DTNB: variants seen among roughly 807,000 people sequenced by gnomAD.
DTNB encodes the protein DTN-B.
Under a neutral mutation model 90.7 loss-of-function variants are expected in DTNB, and 63 were observed. The observed-to-expected ratio is 0.69, with a 90% CI of 0.57 to 0.86. The LOEUF (loss-of-function observed/expected upper bound fraction) is 0.86. Ranked by LOEUF, DTNB falls within the 40% of genes least tolerant of loss-of-function variation. DTNB has a pLI of 0.00. For synonymous variants in DTNB, 277 were observed against 286.7 expected, an observed-to-expected ratio of 0.97 and a Z score of 0.34; for missense variants, 744 against 807.1, an observed-to-expected ratio of 0.92 and a Z score of 0.95.
chr2:25,379,960 A>G (rs368348018), intron 19 of DTNB: 3 of 152,532 alleles, frequency 2.0e-5, no homozygotes, highest in South Asian at 2.1e-4. Context: ...TGCTTCTTCT[A>G]TGTGTCTTGG....
At chr2:25,439,661 G>C (rs2150032159) in intron 12 of DTNB, among the ~76,000 whole-genome samples, 1 of 152,314 alleles carries the variant, frequency 6.6e-6, no homozygotes, top group East Asian at 1.9e-4. Flanking sequence ...AGGAATGAAA[G>C]TAGGGAGACG....
At chr2:25,455,313 C>A in intron 11 of DTNB, 92 bp downstream of exon 11, 2 of 1,189,238 alleles carry the variant, frequency 1.7e-6, no homozygotes, top group Non-Finnish European at 2.3e-6. Context: ...ACCTGACATG[C>A]AGTTTTTTTT....
At chr2:25,605,684 A>G (rs2066954249) in intron 5 of DTNB, among the ~76,000 whole-genome samples, 2 of 152,126 alleles carry the variant, frequency 1.3e-5, no homozygotes, top group Non-Finnish European at 2.9e-5. Flanking sequence ...CTACTACTGT[A>G]TTTTTCAACC....
chr2:25,595,779 G>C (rs2064464186), intron 6 of DTNB, among the ~76,000 whole-genome samples: 1 of 152,106 alleles, frequency 6.6e-6, no homozygotes. Flanking sequence ...ATGGTTTCAA[G>C]AACTCATTTG....
In DTNB at chr2:25,630,362, G is replaced by A. The variant is rs575091565; in HGVS notation, c.149-1978C>T. ...AAGAAGTTACACACAGGTCCCATAC[G>A]ACCCAGCAATTCCACTCCTACAGAA... On this transcript the variant is annotated intron_variant, in intron 3 of 20. Coordinates refer to ENST00000406818, the MANE Select transcript of DTNB (RefSeq NM_021907.5). 5.2e-4 allele frequency among the ~76,000 whole-genome samples: 79 copies of A among 152,252 alleles called. 1 individual carries two copies. The South Asian group carries it at 0.016, about 30-fold the overall frequency.
intron 4 of DTNB, among the ~76,000 whole-genome samples, chr2:25,614,409 C>G (rs1471623691): frequency 6.6e-6 from 1 of 152,116 alleles, no homozygotes; most frequent in African/African-American, 2.4e-5. Context: ...GCAATATGAT[C>G]ATATGTAGAA....
chr2:25,427,732 T>G, intron 14 of DTNB, 101 bp from the exon 15 acceptor site: 1 of 1,077,806 alleles, frequency 9.3e-7, no homozygotes, highest in Non-Finnish European at 1.3e-6. Flanking sequence ...TTACCAGTTA[T>G]GAGACGCTGA....
chr2:25,658,408 T>G lies in DTNB; in HGVS notation c.-1-5747A>C, dbSNP rs6546341. 8.8e-4 allele frequency among the ~76,000 whole-genome samples: 134 copies of G among 152,310 alleles called. 1 individual carries two copies. Among genetic ancestry groups the G allele is most frequent in the African/African-American group, 3.1e-3 (129 of 41,566 alleles). On this transcript the variant is annotated intron_variant, in intron 1 of 20. Coordinates refer to ENST00000406818, the MANE Select transcript of DTNB (RefSeq NM_021907.5). ...TCAGTCTTACCATACGATCCAATAA[T>G]TGCACTGCTAGGTGTTTGCTCAATT...
rs564793591 is a variant in DTNB, at chr2:25,469,123, G to C, written c.1080-13629C>G. On this transcript the variant is annotated intron_variant, in intron 10 of 20. Transcript: ENST00000406818. ...CATTAATCAAGTATTTATAAGGGTA[G>C]GGAATGTTATAAAAGGATGTTTGCG... is the stretch of plus-strand genomic sequence containing the variant. Among the ~76,000 whole-genome samples, 9 of 152,250 alleles carry C rather than the reference G, an allele frequency of 5.9e-5. No homozygotes were observed. In the East Asian group the frequency reaches 1.7e-3, roughly 29 times the overall value.
At chr2:25,415,341 G>C (rs1389091778) in intron 16 of DTNB, among the ~76,000 whole-genome samples, 2 of 150,120 alleles carry the variant, frequency 1.3e-5, no homozygotes, top group Non-Finnish European at 2.9e-5. Context: ...CCACCTCCCA[G>C]GTTCAAGCGA....
At chr2:25,662,953 G>C (rs1035486213) in intron 1 of DTNB, among the ~76,000 whole-genome samples, 1 of 152,112 alleles carries the variant, frequency 6.6e-6, no homozygotes, top group African/African-American at 2.4e-5. Context: ...GTGCAGGCTT[G>C]TTACATGGGT....
At chr2:25,552,894 C>T (rs1165463672) in intron 8 of DTNB, among the ~76,000 whole-genome samples, 4 of 137,042 alleles carry the variant, frequency 2.9e-5, no homozygotes, top group Non-Finnish European at 6.1e-5. Flanking sequence ...CGCTCTGTCG[C>T]CCAGGTCGGA....
At chr2:25,523,022 A>G (rs909108382) in intron 9 of DTNB, among the ~76,000 whole-genome samples, 66 of 152,148 alleles carry the variant, frequency 4.3e-4, no homozygotes, top group African/African-American at 1.6e-3. Context: ...CATTTTCTAA[A>G]GAGTCAGACT....
chr2:25,482,625 A>G (rs2065199916), intron 10 of DTNB, among the ~76,000 whole-genome samples, 171 bp downstream of exon 10: 1 of 152,104 alleles, frequency 6.6e-6, no homozygotes, highest in South Asian at 2.1e-4. Flanking sequence ...GGGGGAAAAA[A>G]GGAAAATAAA....
intron 9 of DTNB, among the ~76,000 whole-genome samples, chr2:25,523,214 A>T (rs1484827087): frequency 5.4e-5 from 6 of 112,094 alleles, no homozygotes; most frequent in Non-Finnish European, 1.9e-5. Context: ...CCTATTTGCA[A>T]ACACTCAAAC....
At chr2:25,410,329 G>A (rs2046282227) in intron 16 of DTNB, among the ~76,000 whole-genome samples, 1 of 152,100 alleles carries the variant, frequency 6.6e-6, no homozygotes, top group Non-Finnish European at 1.5e-5. Flanking sequence ...GATGAGTGAT[G>A]AAAAATATTG....
intron 8 of DTNB, among the ~76,000 whole-genome samples, chr2:25,559,739 G>A (rs552422634): frequency 2.6e-5 from 4 of 152,302 alleles, no homozygotes; most frequent in South Asian, 2.1e-4. Flanking sequence ...ATCTAGATGG[G>A]AGAGGAAGCA....
At chr2:25,563,340 T>C (rs1056408266) in intron 8 of DTNB, among the ~76,000 whole-genome samples, 10 of 152,234 alleles carry the variant, frequency 6.6e-5, no homozygotes, top group South Asian at 2.1e-4. Context: ...GAGTTCTTTA[T>C]AATTCTGGAT....
chr2:25,388,805 CGTGTGTGTGTGTGT>C (rs112323714), intron 16 of DTNB, among the ~76,000 whole-genome samples: 1 of 149,142 alleles, frequency 6.7e-6, no homozygotes, highest in African/African-American at 2.5e-5. Flanking sequence ...AAAGGACATA[CGTGTGTGTGTGTGT>C]GTGTGTGTGT....
Sources: allele counts gnomAD v4.1 joint callset (sites outside exome capture counted in the v4.1 genomes callset), GRCh38; gene constraint gnomAD v4.1.1; transcripts MANE v1.5; gene names NCBI Gene and HGNC (gene_info 2026-07-23, HGNC 2026-07-21).